Variants in GDF6 observed in about 807,000 individuals in gnomAD.
GDF6 encodes growth/differentiation factor 6.
In GDF6, 3 loss-of-function variants were observed where a neutral mutation model predicts 32.4. The observed-to-expected ratio is 0.09, with a 90% CI of 0.04 to 0.24. The LOEUF is 0.24. Among genes scored for constraint, GDF6 ranks in the 10% least tolerant of loss-of-function variants. The pLI, the probability that GDF6 is intolerant of heterozygous loss-of-function variation, is 1.00. For synonymous variants in GDF6, 296 were observed against 295.3 expected (o/e 1.00, Z -0.03); for missense variants, 589 against 637.9 (o/e 0.92, Z 0.83).
rs374712936 is a variant in GDF6 at position 96,149,778 on chromosome 8, A to G, written c.407-4254T>C. ...GAAAAGGGCATCTGTCCACGGTCAC[A>G]GTACGTGGCTGGAGAAAGTTGGAGT... On this transcript the variant is annotated intron_variant, in intron 1 of 1. Coordinates refer to ENST00000287020, the MANE Select transcript of GDF6 (RefSeq NM_001001557.4). Among the ~76,000 whole-genome samples, 73 of 152,382 alleles carry G rather than the reference A, an allele frequency of 4.8e-4. 1 individual carries two copies. In the South Asian group the frequency reaches 0.013, roughly 28 times the overall value.
rs79250717 is a variant in GDF6, at chr8:96,158,828, T to G, written c.406+1459A>C. Among the ~76,000 whole-genome samples the G allele has an allele frequency of 2.2e-3, 334 of 152,350 alleles. 3 individuals are homozygous for G. Among genetic ancestry groups the G allele is most frequent in the African/African-American group, 7.7e-3 (321 of 41,584 alleles). ...CATGTCTTTGCAAAGGTGACTTTAG[T>G]AGCCCTAAAATCATCATAAAATACC... On this transcript the variant is annotated intron_variant, in intron 1 of 1. Coordinates refer to ENST00000287020, the MANE Select transcript of GDF6 (RefSeq NM_001001557.4).
intron 1 of GDF6, among the ~76,000 whole-genome samples, chr8:96,146,479 T>C (rs1812486890): frequency 6.6e-6 from 1 of 152,112 alleles, no homozygotes; most frequent in Non-Finnish European, 1.5e-5. Context: ...TGGTGAGAGA[T>C]TTATTTATTT....
At chr8:96,147,015 C>T (rs1369530901) in intron 1 of GDF6, among the ~76,000 whole-genome samples, 1 of 152,198 alleles carries the variant, frequency 6.6e-6, no homozygotes, top group Non-Finnish European at 1.5e-5. Flanking sequence ...ATTTACAACC[C>T]AGCAAATACA....
In GDF6 at chr8:96,144,817, T is replaced by C. The variant is rs1812443153; in HGVS notation, c.1114A>G (p.Ile372Val). 1.9e-6 allele frequency: 3 copies of C among 1,613,876 alleles called. No individual in the cohort carries two copies. The highest frequency in any genetic ancestry group is 2.7e-5 in the African/African-American group (2 of 74,884). Residue 372 changes from isoleucine (I) to valine (V), a missense_variant, in exon 2 of 2, where the codon ATT (isoleucine) becomes GTT (valine). By Grantham distance (29) the Ile-to-Val change is conservative. Around this residue, in one of 2 missense-constraint regions of GDF6, gnomAD observed 153 missense variants for 226.7 expected, o/e 0.67. Transcript: ENST00000287020. The surrounding 1 kb of genome is among the most constrained non-coding windows in gnomAD (Gnocchi z 5.1). ...NFKELGWDDWIIAPLEYEAYH... is the reference protein window; with the variant it reads ...NFKELGWDDWVIAPLEYEAYH... ...GCCTCGTACTCCAGGGGCGCGATAA[T>C]CCAGTCGTCCCAGCCCAGCTCCTTG...
intron 1 of GDF6, among the ~76,000 whole-genome samples, chr8:96,146,968 G>C (rs192121120): frequency 1.3e-5 from 2 of 152,324 alleles, no homozygotes; most frequent in East Asian, 3.9e-4. Flanking sequence ...AAGGCGGAAA[G>C]CTAACCAGAT....
At chr8:96,157,635 G>A (rs934221886) in intron 1 of GDF6, among the ~76,000 whole-genome samples, 1 of 152,186 alleles carries the variant, frequency 6.6e-6, no homozygotes, top group Non-Finnish European at 1.5e-5. Context: ...CCGTCCACGC[G>A]TTGGGGGAGG....
chr8:96,154,196 G>GC (rs982028891), intron 1 of GDF6, among the ~76,000 whole-genome samples: 2 of 152,110 alleles, frequency 1.3e-5, no homozygotes, highest in African/African-American at 4.8e-5. Context: ...CTAGAGGCCC[G>GC]CCCCTGGCCT....
chr8:96,150,606 T>C (rs1206351254), intron 1 of GDF6, among the ~76,000 whole-genome samples: 2 of 152,344 alleles, frequency 1.3e-5, no homozygotes, highest in East Asian at 1.9e-4. Flanking sequence ...CTCTAAGAGG[T>C]ATCTTGCCCA....
chr8:96,154,760 G>T (rs1466738155), intron 1 of GDF6, among the ~76,000 whole-genome samples: 1 of 152,186 alleles, frequency 6.6e-6, no homozygotes, highest in African/African-American at 2.4e-5. Flanking sequence ...GGAAACAAAA[G>T]TTCTCGTTCT....
intron 1 of GDF6, among the ~76,000 whole-genome samples, chr8:96,149,839 A>C (rs1812537605): frequency 6.6e-6 from 1 of 152,012 alleles, no homozygotes; most frequent in East Asian, 1.9e-4. Context: ...AGATGCCCGC[A>C]ACGCCAAAGG....
chr8:96,144,398 G>T lies in GDF6; in HGVS notation c.*165C>A. 1 of 760,480 alleles carries T rather than the reference G, an allele frequency of 1.3e-6. No homozygotes were observed. Among genetic ancestry groups the T allele is most frequent in the Non-Finnish European group, 2.1e-6 (1 of 480,086 alleles). 47.1% of individuals were successfully genotyped at this position (760,480 alleles called of 1,614,324 possible). On this transcript the variant is annotated 3_prime_UTR_variant, in exon 2 of 2. Coordinates refer to ENST00000287020, the MANE Select transcript of GDF6 (RefSeq NM_001001557.4). This position sits in a 1 kb window ranked among gnomAD's most constrained non-coding sequence, Gnocchi z 5.1. ...CTGGCAGGTAGAAGTTACTGGGAAG[G>T]CTGCGCTCCCTTCTCTCCCACCGGC... is the stretch of plus-strand genomic sequence containing the variant.
intron 1 of GDF6, among the ~76,000 whole-genome samples, chr8:96,155,117 G>A (rs1365494625): frequency 4.6e-5 from 7 of 152,160 alleles, no homozygotes. Flanking sequence ...GGATGTTTGA[G>A]CACGTTTTTA....
In GDF6 at chr8:96,144,981, G is replaced by C; in HGVS notation, c.950C>G (p.Ser317Trp). 1 of 1,355,940 alleles carries C rather than the reference G, an allele frequency of 7.4e-7. No homozygotes were observed. The highest frequency in any genetic ancestry group is 9.4e-7 in the Non-Finnish European group (1 of 1,062,848). The allele number at this position is 1,355,940 out of a possible 1,614,324, so 84.0% of individuals were successfully genotyped here. The change falls in exon 2 of 2, where the codon TCG (serine) becomes TGG (tryptophan). Residue 317 changes from serine to tryptophan, a missense_variant. Transcript: ENST00000287020. This position sits in a 1 kb window ranked among gnomAD's most constrained non-coding sequence, Gnocchi z 5.1. ...CCAAGGCCTGGCATCCGGGGCGCCC[G>C]ACGGCGGCGGCCACGACCCCTCGGC... is the stretch of plus-strand genomic sequence containing the variant. ...AGAEGSWPPP[S>W]GAPDARPWLP...
At chr8:96,156,947 G>A (rs1300499464) in intron 1 of GDF6, among the ~76,000 whole-genome samples, 5 of 152,164 alleles carry the variant, frequency 3.3e-5, no homozygotes, top group African/African-American at 9.7e-5. Context: ...GCAGGGTCTC[G>A]AATCTTATAT....
intron 1 of GDF6, among the ~76,000 whole-genome samples, chr8:96,157,704 C>T (rs1201967038): frequency 6.6e-6 from 1 of 152,162 alleles, no homozygotes; most frequent in African/African-American, 2.4e-5. Flanking sequence ...GAAGTCCTTG[C>T]CAGGAGCCGG....
At chr8:96,156,418 C>G (rs1812666683) in intron 1 of GDF6, among the ~76,000 whole-genome samples, 3 of 151,780 alleles carry the variant, frequency 2.0e-5, no homozygotes, top group Non-Finnish European at 4.4e-5. Flanking sequence ...CCCTCTCTCT[C>G]TCTCTCTCTG....
intron 1 of GDF6, among the ~76,000 whole-genome samples, chr8:96,156,679 A>C (rs753529547): frequency 6.6e-6 from 1 of 152,216 alleles, no homozygotes; most frequent in Non-Finnish European, 1.5e-5. Flanking sequence ...TTTAAAGCAC[A>C]ATATAAGAGC....
intron 1 of GDF6, among the ~76,000 whole-genome samples, chr8:96,157,800 G>C (rs1382293854): frequency 6.6e-6 from 1 of 152,188 alleles, no homozygotes; most frequent in Non-Finnish European, 1.5e-5. Flanking sequence ...TTAGATCGCT[G>C]AGTTGAAACA....
At chr8:96,149,639 A>T (rs774869124) in intron 1 of GDF6, among the ~76,000 whole-genome samples, 1 of 152,250 alleles carries the variant, frequency 6.6e-6, no homozygotes, top group African/African-American at 2.4e-5. Flanking sequence ...TAGGGTGAAT[A>T]TAAGGTAAAA....
Sources: allele counts gnomAD v4.1 joint callset (sites outside exome capture counted in the v4.1 genomes callset), GRCh38; gene constraint gnomAD v4.1.1; regional missense constraint gnomAD v4.1.1; non-coding constraint Gnocchi (gnomAD v3.1); transcripts MANE v1.5; gene names NCBI Gene and HGNC (gene_info 2026-07-23, HGNC 2026-07-21).